Variants in SMCHD1 observed in about 807,000 individuals in gnomAD.
The protein encoded by SMCHD1 is structural maintenance of chromosomes flexible hinge domain-containing protein 1.
Under a neutral mutation model 254.7 loss-of-function variants are expected in SMCHD1, and 78 were observed. That is an observed-to-expected ratio of 0.31 (90% CI 0.26 to 0.37). SMCHD1 has a LOEUF of 0.37. Ranked by LOEUF, SMCHD1 falls within the 10% of genes least tolerant of loss-of-function variation. SMCHD1 has a pLI of 1.00. For synonymous variants in SMCHD1, 766 were observed against 794.9 expected (o/e 0.96, Z 0.61); for missense variants, 1,840 against 2,408.1 (o/e 0.76, Z 4.94).
intron 5 of SMCHD1, among the ~76,000 whole-genome samples, chr18:2,676,875 A>C (rs1310459392): frequency 1.3e-5 from 2 of 152,228 alleles, no homozygotes; most frequent in Non-Finnish European, 2.9e-5. Flanking sequence ...TTCTGAGGAC[A>C]AGCGGATTCT....
intron 26 of SMCHD1, 131 bp from the exon 27 acceptor site, chr18:2,739,301 G>GT (rs554127088): frequency 1.5e-6 from 1 of 674,354 alleles, no homozygotes; most frequent in South Asian, 1.8e-5. Flanking sequence ...AAATTAAACA[G>GT]TTATTTGAAG....
At chr18:2,769,947 C>G (rs868662306) in intron 38 of SMCHD1, 42 bp from the exon 39 acceptor site, 3 of 1,543,088 alleles carry the variant, frequency 1.9e-6, no homozygotes, top group Middle Eastern at 1.8e-4. Context: ...TTAGAAAAGT[C>G]AGTTTTTAAA....
intron 1 of SMCHD1, among the ~76,000 whole-genome samples, chr18:2,658,487 C>A (rs149323609): frequency 6.6e-6 from 1 of 152,312 alleles, no homozygotes; most frequent in African/African-American, 2.4e-5. Flanking sequence ...AATATTTCAA[C>A]TGGAAAACCA....
chr18:2,706,541 G>T, intron 15 of SMCHD1, 71 bp downstream of exon 15: 1 of 1,063,694 alleles, frequency 9.4e-7, no homozygotes, highest in Non-Finnish European at 1.4e-6. Flanking sequence ...AGTATTCTGA[G>T]TATGTCATTT....
chr18:2,680,752 G>A (rs2073905619), intron 5 of SMCHD1, among the ~76,000 whole-genome samples: 1 of 152,106 alleles, frequency 6.6e-6, no homozygotes, highest in Admixed American at 6.5e-5. Context: ...TATATTTTTG[G>A]TCAGATTCTT....
At chr18:2,767,889 A>G (rs2075899125) in intron 37 of SMCHD1, among the ~76,000 whole-genome samples, 1 of 152,114 alleles carries the variant, frequency 6.6e-6, no homozygotes, top group Non-Finnish European at 1.5e-5. Context: ...CACACCCAGC[A>G]GCATAACCTG....
At chr18:2,792,869 C>A (rs1414997515) in intron 45 of SMCHD1, among the ~76,000 whole-genome samples, 1 of 152,076 alleles carries the variant, frequency 6.6e-6, no homozygotes, top group African/African-American at 2.4e-5. Context: ...GTGTGATGAT[C>A]TCTCATGGAC....
intron 5 of SMCHD1, among the ~76,000 whole-genome samples, chr18:2,675,935 A>G (rs2073737988): frequency 6.6e-6 from 1 of 152,194 alleles, no homozygotes; most frequent in Admixed American, 6.5e-5. Flanking sequence ...TCTTAGCTTT[A>G]TGGGTTTGGT....
rs80114931 is a variant in SMCHD1 at position 2,732,012 on chromosome 18, A to G, written c.3049-253A>G. Reference sequence around the variant, plus strand: ...GGAGGCAAAGTGAGACTCTGTCTCAAAAAAAATAAAAAGGAGGGGAATCCT... The same window carrying G: ...GGAGGCAAAGTGAGACTCTGTCTCAGAAAAAATAAAAAGGAGGGGAATCCT... On this transcript the variant is annotated intron_variant, in intron 24 of 47. Transcript: ENST00000320876. Among the ~76,000 whole-genome samples, 7,421 of 152,220 alleles carry G rather than the reference A, an allele frequency of 0.049. 562 individuals are homozygous for G. The highest frequency in any genetic ancestry group is 0.17 in the African/African-American group (6,960 of 41,524).
chr18:2,696,774 C>G (rs887108727), intron 8 of SMCHD1, among the ~76,000 whole-genome samples: 1 of 152,152 alleles, frequency 6.6e-6, no homozygotes, highest in African/African-American at 2.4e-5. Flanking sequence ...TGGGTTGAAG[C>G]CCACGGCTCC....
chr18:2,721,629 C>A (rs2074929972), intron 19 of SMCHD1, among the ~76,000 whole-genome samples: 1 of 152,038 alleles, frequency 6.6e-6, no homozygotes, highest in Admixed American at 6.5e-5. Flanking sequence ...AGTGGACATC[C>A]CAAAAGGCTA....
rs151116768 is a variant in SMCHD1 at position 2,686,321 on chromosome 18, T to C, written c.639-2073T>C. On this transcript the variant is annotated intron_variant, in intron 5 of 47. Transcript: ENST00000320876. ...CATTTCAGATGTTGCATTTTCAGAC[T>C]TGGGATGCTCAGGTGGTAAGTATAA... is the stretch of plus-strand genomic sequence containing the variant. Among the ~76,000 whole-genome samples the C allele has an allele frequency of 3.5e-4, 54 of 152,334 alleles. No individual in the cohort carries two copies. In the East Asian group the frequency reaches 8.3e-3, roughly 23 times the overall value.
chr18:2,802,545 A>T lies in SMCHD1; in HGVS notation c.6011A>T (p.Asp2004Val). 1 of 1,554,044 alleles carries T rather than the reference A, an allele frequency of 6.4e-7. No individual in the cohort carries two copies. Among genetic ancestry groups the T allele is most frequent in the Non-Finnish European group, 8.7e-7 (1 of 1,148,244 alleles). The change falls in exon 48 of 48, where the codon GAT becomes GTT. Residue 2004 changes from aspartate to valine, a missense_variant. By Grantham distance (152) the Asp-to-Val change is radical. Coordinates refer to ENST00000320876, the MANE Select transcript of SMCHD1 (RefSeq NM_015295.3). ...TTGACCAGGATTATAACCAAAACAG[A>T]TGTATGAGAGGTGACAGAGAGAAGA... Reference protein sequence around the residue: ...TRQNRIITKTDV With the variant: ...TRQNRIITKTVV
intron 41 of SMCHD1, among the ~76,000 whole-genome samples, chr18:2,773,884 C>T (rs780418346): frequency 5.9e-5 from 9 of 152,158 alleles, no homozygotes; most frequent in Non-Finnish European, 8.8e-5. Flanking sequence ...GATCATGCCA[C>T]TGCACTCCAG....
intron 19 of SMCHD1, among the ~76,000 whole-genome samples, chr18:2,719,977 G>A (rs1368262373): frequency 7.0e-6 from 1 of 143,838 alleles, no homozygotes; most frequent in Non-Finnish European, 1.6e-5. Flanking sequence ...ACGTGGCCCT[G>A]TCTAATTTTT....
intron 41 of SMCHD1, among the ~76,000 whole-genome samples, 155 bp downstream of exon 41, chr18:2,772,527 C>G (rs1238953604): frequency 6.6e-6 from 1 of 152,182 alleles, no homozygotes; most frequent in Non-Finnish European, 1.5e-5. Context: ...AGGGATTTGG[C>G]AGAGTTTAAA....
chr18:2,741,549 T>A (rs937617041), intron 28 of SMCHD1, among the ~76,000 whole-genome samples: 1 of 152,236 alleles, frequency 6.6e-6, no homozygotes. Flanking sequence ...CTAGAGTTTC[T>A]GTCTCCAGTA....
At chr18:2,674,497 A>T (rs974931427) in intron 5 of SMCHD1, among the ~76,000 whole-genome samples, 1 of 152,176 alleles carries the variant, frequency 6.6e-6, no homozygotes. Flanking sequence ...AAATGTCTAA[A>T]ATTGCATGTG....
intron 25 of SMCHD1, among the ~76,000 whole-genome samples, chr18:2,734,587 C>T (rs749959136): frequency 8.6e-5 from 13 of 151,100 alleles, no homozygotes; most frequent in Non-Finnish European, 1.3e-4. Flanking sequence ...GAGGGGAGTA[C>T]GCAGCCAGGG....
Sources: gnomAD v4.1 joint callset for allele counts (sites outside exome capture counted in the v4.1 genomes callset) on GRCh38, gnomAD v4.1.1 for gene constraint, MANE v1.5 for transcripts, NCBI Gene and HGNC (gene_info 2026-07-23, HGNC 2026-07-21) for gene names.